The following ADK variants were observed in gnomAD, a reference collection of about 807,000 sequenced individuals.
ADK encodes N6,N6-dimethyladenosine kinase.
ADK carries 24 observed loss-of-function variants against 44.7 expected under a neutral mutation model. The observed-to-expected ratio is 0.54, with a 90% CI of 0.39 to 0.76. The LOEUF (loss-of-function observed/expected upper bound fraction) is 0.76, where lower values mean the gene tolerates loss of function less well. Among genes scored for constraint, ADK ranks in the 30% least tolerant of loss-of-function variants. The pLI is 0.00. For missense variants in ADK, 321 were observed against 425.1 expected, an observed-to-expected ratio of 0.76 and a Z score of 2.15; for synonymous variants, 128 against 142.6, an observed-to-expected ratio of 0.90 and a Z score of 0.73.
chr10:74,535,601 A>C, intron 7 of ADK, among the ~76,000 whole-genome samples: 1 of 115,722 alleles, frequency 8.6e-6, no homozygotes, highest in Non-Finnish European at 1.7e-5. Flanking sequence ...TTTTTTTTTG[A>C]GACAGAGTCT....
At chr10:74,172,139 T>A (rs1025900642) in intron 1 of ADK, among the ~76,000 whole-genome samples, 13 of 31,006 alleles carry the variant, frequency 4.2e-4, no homozygotes, top group Admixed American at 9.3e-4. Context: ...TGGATTTTCT[T>A]TTTTTTTTTT....
chr10:74,230,684 CTTT>C (rs35111858), intron 3 of ADK, among the ~76,000 whole-genome samples: 4 of 140,726 alleles, frequency 2.8e-5, no homozygotes, highest in Non-Finnish European at 6.2e-5. Context: ...CAGCCAGTAA[CTTT>C]TTTTTTTTTT....
chr10:74,610,860 A>G (rs1431140091), intron 9 of ADK, among the ~76,000 whole-genome samples: 2 of 152,098 alleles, frequency 1.3e-5, no homozygotes, highest in Admixed American at 6.6e-5. Flanking sequence ...GTAAATATAT[A>G]TATGTATGTA....
intron 6 of ADK, among the ~76,000 whole-genome samples, chr10:74,424,924 T>A (rs1364315424): frequency 6.6e-6 from 1 of 152,240 alleles, no homozygotes; most frequent in African/African-American, 2.4e-5. Flanking sequence ...TCCTCTTGTT[T>A]ATTTAAATAT....
At chr10:74,241,882 T>C (rs954342297) in intron 3 of ADK, among the ~76,000 whole-genome samples, 4 of 152,254 alleles carry the variant, frequency 2.6e-5, no homozygotes, top group Non-Finnish European at 4.4e-5. Flanking sequence ...TTATTTAATC[T>C]GTCTCTTCTA....
intron 3 of ADK, among the ~76,000 whole-genome samples, chr10:74,241,537 T>A (rs1177638548): frequency 6.6e-6 from 1 of 152,024 alleles, no homozygotes; most frequent in East Asian, 1.9e-4. Context: ...AGGCACACGC[T>A]ACCATGACCG....
intron 9 of ADK, among the ~76,000 whole-genome samples, chr10:74,636,701 G>A (rs1191525629): frequency 6.6e-6 from 1 of 152,170 alleles, no homozygotes; most frequent in Non-Finnish European, 1.5e-5. Context: ...AACTATAATA[G>A]ATGAATATTT....
chr10:74,218,353 G>T (rs189732014), intron 2 of ADK, among the ~76,000 whole-genome samples: 2 of 152,322 alleles, frequency 1.3e-5, no homozygotes, highest in African/African-American at 4.8e-5. Context: ...AAGCTTCCAA[G>T]AAATATGGGA....
intron 3 of ADK, among the ~76,000 whole-genome samples, chr10:74,232,683 T>C (rs1405392564): frequency 1.3e-5 from 2 of 152,008 alleles, no homozygotes; most frequent in African/African-American, 2.4e-5. Flanking sequence ...TGAAGTGCAG[T>C]GGCACAATCT....
chr10:74,459,816 A>G (rs541164339), intron 6 of ADK, among the ~76,000 whole-genome samples: 1 of 152,128 alleles, frequency 6.6e-6, no homozygotes, highest in East Asian at 1.9e-4. Context: ...TTACTGCTAA[A>G]ATAAGGCATT....
intron 8 of ADK, among the ~76,000 whole-genome samples, chr10:74,591,627 A>C (rs1218513133): frequency 6.6e-6 from 1 of 152,210 alleles, no homozygotes; most frequent in Non-Finnish European, 1.5e-5. Context: ...TTAAGGAATA[A>C]AACAAAAATA....
At chr10:74,465,542 G>C (rs901641007) in intron 6 of ADK, among the ~76,000 whole-genome samples, 1 of 152,078 alleles carries the variant, frequency 6.6e-6, no homozygotes, top group Non-Finnish European at 1.5e-5. Flanking sequence ...AAACTGAATG[G>C]GGCAAAGATA....
chr10:74,369,853 C>T (rs923241182), intron 4 of ADK, among the ~76,000 whole-genome samples: 3 of 152,126 alleles, frequency 2.0e-5, no homozygotes, highest in Non-Finnish European at 4.4e-5. Context: ...AATCATTATA[C>T]TTCAGTGATA....
intron 6 of ADK, among the ~76,000 whole-genome samples, chr10:74,483,546 A>G (rs779918890): frequency 6.6e-6 from 1 of 152,148 alleles, no homozygotes; most frequent in Admixed American, 6.5e-5. Flanking sequence ...TCTCTTTTCT[A>G]CCACACGGTC....
At chr10:74,303,459 G>A (rs1324056251) in intron 3 of ADK, among the ~76,000 whole-genome samples, 1 of 151,894 alleles carries the variant, frequency 6.6e-6, no homozygotes, top group African/African-American at 2.4e-5. Flanking sequence ...TCTTAAAAAT[G>A]AGTATATTAA....
At chr10:74,623,631 A>G (rs955223429) in intron 9 of ADK, among the ~76,000 whole-genome samples, 1 of 151,886 alleles carries the variant, frequency 6.6e-6, no homozygotes, top group Non-Finnish European at 1.5e-5. Flanking sequence ...GCATGAATGG[A>G]TATCTAGATG....
intron 3 of ADK, among the ~76,000 whole-genome samples, chr10:74,257,468 AGT>A (rs1242276793): frequency 1.3e-5 from 2 of 152,194 alleles, no homozygotes; most frequent in South Asian, 4.1e-4. Flanking sequence ...TTTTAAAGTG[AGT>A]GTGGTGATAT....
chr10:74,451,137 CAAT>C (rs1480561649), intron 6 of ADK, among the ~76,000 whole-genome samples: 1 of 79,978 alleles, frequency 1.3e-5, no homozygotes, highest in African/African-American at 4.8e-5. Flanking sequence ...AAAAATAAAA[CAAT>C]AGTTTTTATT....
At chr10:74,275,264 T>C (rs1846629962) in intron 3 of ADK, among the ~76,000 whole-genome samples, 1 of 152,108 alleles carries the variant, frequency 6.6e-6, no homozygotes, top group Non-Finnish European at 1.5e-5. Flanking sequence ...AAAGAAGCTT[T>C]TTTGGGCTGA....
Sources: allele counts gnomAD v4.1 joint callset (sites outside exome capture counted in the v4.1 genomes callset), GRCh38; gene constraint gnomAD v4.1.1; transcripts MANE v1.5; gene names NCBI Gene and HGNC (gene_info 2026-07-23, HGNC 2026-07-21).